CNTNAP2: variants seen among roughly 807,000 people sequenced by gnomAD.
CNTNAP2 encodes contactin-associated protein-like 2.
CNTNAP2 carries 98 observed loss-of-function variants against 155.2 expected under a neutral mutation model. The observed-to-expected ratio is 0.63, with a 90% CI of 0.54 to 0.75. The LOEUF (loss-of-function observed/expected upper bound fraction) is 0.75, where lower values mean the gene tolerates loss of function less well. CNTNAP2 is among the 30% of genes least tolerant of loss of function. CNTNAP2 has a pLI of 0.00. For synonymous variants in CNTNAP2, 651 were observed against 631.2 expected (o/e 1.03, Z -0.47); for missense variants, 1,727 against 1,688.1 (o/e 1.02, Z -0.40).
intron 1 of CNTNAP2, among the ~76,000 whole-genome samples, chr7:146,377,106 G>A (rs1360144820): frequency 6.6e-6 from 1 of 152,136 alleles, no homozygotes; most frequent in Non-Finnish European, 1.5e-5. Context: ...GCAATGTAAT[G>A]AAACTCAGAA....
chr7:146,800,000 C>A (rs1053659471), intron 2 of CNTNAP2, among the ~76,000 whole-genome samples: 4 of 151,838 alleles, frequency 2.6e-5, no homozygotes, highest in Non-Finnish European at 5.9e-5. Flanking sequence ...TATATAATAA[C>A]ATAGTAACAT....
intron 12 of CNTNAP2, among the ~76,000 whole-genome samples, chr7:147,622,944 T>C (rs1056026126): frequency 6.6e-6 from 1 of 152,066 alleles, no homozygotes; most frequent in Non-Finnish European, 1.5e-5. Context: ...TTACAACTGA[T>C]ACCACAGAAA....
intron 3 of CNTNAP2, among the ~76,000 whole-genome samples, chr7:146,854,358 G>A (rs569261465): frequency 1.4e-4 from 22 of 152,326 alleles, no homozygotes; most frequent in African/African-American, 5.3e-4. Flanking sequence ...CAAGCTGTAT[G>A]TTTATGTGTG....
intron 11 of CNTNAP2, among the ~76,000 whole-genome samples, chr7:147,530,186 C>CTTTTTTT (rs35151574): frequency 7.3e-6 from 1 of 136,382 alleles, no homozygotes; most frequent in Non-Finnish European, 1.6e-5. Flanking sequence ...GCAAAAGGCA[C>CTTTTTTT]TTTTTTTTTT....
In CNTNAP2 at chr7:147,944,250, G is replaced by A. The variant is rs1044905749; in HGVS notation, c.2256-33612G>A. Among the ~76,000 whole-genome samples, 14 of 152,034 alleles carry A rather than the reference G, an allele frequency of 9.2e-5. No individual in the cohort carries two copies. In the East Asian group the frequency reaches 9.6e-4, roughly 10 times the overall value. On this transcript the variant is annotated intron_variant, in intron 14 of 23. Coordinates refer to ENST00000361727, the MANE Select transcript of CNTNAP2 (RefSeq NM_014141.6). ...ACAAATATTAATATAAAAGTATTAC[G>A]TGTTTTTCTACTGCCCATATCTGTT...
intron 10 of CNTNAP2, among the ~76,000 whole-genome samples, chr7:147,415,501 CTCA>C: frequency 6.6e-6 from 1 of 152,318 alleles, no homozygotes; most frequent in African/African-American, 2.4e-5. Flanking sequence ...TCTTCTTTCA[CTCA>C]TCACTTCTCC....
chr7:146,965,237 T>C (rs1275079795), intron 3 of CNTNAP2, among the ~76,000 whole-genome samples: 1 of 152,118 alleles, frequency 6.6e-6, no homozygotes, highest in Non-Finnish European at 1.5e-5. Flanking sequence ...GACTGCCCTG[T>C]AGAGAAGAGA....
chr7:146,496,009 G>T (rs2129132208), intron 1 of CNTNAP2, among the ~76,000 whole-genome samples: 1 of 152,262 alleles, frequency 6.6e-6, no homozygotes, highest in African/African-American at 2.4e-5. Context: ...TCTTATATTT[G>T]CTGGGTCTAA....
chr7:146,836,309 C>G (rs1219348371), intron 2 of CNTNAP2, among the ~76,000 whole-genome samples: 1 of 152,054 alleles, frequency 6.6e-6, no homozygotes, highest in Non-Finnish European at 1.5e-5. Flanking sequence ...TGTCCAGCTA[C>G]AAGCTTTTGT....
At chr7:146,304,528 A>C (rs1800672583) in intron 1 of CNTNAP2, among the ~76,000 whole-genome samples, 1 of 152,014 alleles carries the variant, frequency 6.6e-6, no homozygotes, top group Non-Finnish European at 1.5e-5. Context: ...TTCACTCATG[A>C]AGCTTAGTTC....
intron 1 of CNTNAP2, among the ~76,000 whole-genome samples, chr7:146,475,546 G>C (rs568895216): frequency 6.6e-6 from 1 of 152,276 alleles, no homozygotes; most frequent in South Asian, 2.1e-4. Context: ...GAGTGGTTTG[G>C]ACAGGATGGT....
chr7:147,531,366 C>A (rs1799428508), intron 11 of CNTNAP2, among the ~76,000 whole-genome samples: 1 of 152,234 alleles, frequency 6.6e-6, no homozygotes. Context: ...CCCATCCCTG[C>A]AGCAAATTTC....
Position 147,980,768 on chromosome 7 carries a change from C to CAAAA in CNTNAP2, c.2383+2789_2383+2792dup, listed in dbSNP as rs375398761. 5.8e-4 allele frequency among the ~76,000 whole-genome samples: 79 copies of CAAAA among 135,672 alleles called. 1 individual carries two copies. In the Middle Eastern group the frequency reaches 0.015, roughly 25 times the overall value. 89.0% of individuals were successfully genotyped at this position (135,672 alleles called of 152,430 possible). On this transcript the variant is annotated intron_variant, in intron 15 of 23. Transcript: ENST00000361727. ...TGAAACCCCGTCTCTACTAAAAATA[C>CAAAA]AAAAAAAAAAAAATTAGCCGGGCGT...
At chr7:146,395,885 A>G (rs527359977) in intron 1 of CNTNAP2, among the ~76,000 whole-genome samples, 4 of 152,134 alleles carry the variant, frequency 2.6e-5, no homozygotes, top group South Asian at 2.1e-4. Flanking sequence ...AGTTTCACCT[A>G]TAAGCAAAGG....
chr7:147,313,315 T>G (rs1401329631), intron 9 of CNTNAP2, among the ~76,000 whole-genome samples: 1 of 151,028 alleles, frequency 6.6e-6, no homozygotes, highest in Non-Finnish European at 1.5e-5. Context: ...GCTTTTGGTG[T>G]TTTAGACATG....
chr7:146,216,679 C>T (rs1182238813), intron 1 of CNTNAP2, among the ~76,000 whole-genome samples: 2 of 152,190 alleles, frequency 1.3e-5, no homozygotes, highest in Non-Finnish European at 2.9e-5. Context: ...AATCTGTTTT[C>T]CTTTTGCTCA....
chr7:147,090,839 C>T (rs927980371), intron 4 of CNTNAP2, among the ~76,000 whole-genome samples: 1 of 152,040 alleles, frequency 6.6e-6, no homozygotes, highest in African/African-American at 2.4e-5. Flanking sequence ...CCCGTGAAAG[C>T]GTTTCAATGT....
chr7:147,821,244 A>T (rs1013311893), intron 13 of CNTNAP2, among the ~76,000 whole-genome samples: 8 of 152,180 alleles, frequency 5.3e-5, no homozygotes, highest in African/African-American at 1.9e-4. Flanking sequence ...GATATAGGAA[A>T]TGTATTCTTT....
At chr7:147,377,807 T>C (rs909173541) in intron 9 of CNTNAP2, among the ~76,000 whole-genome samples, 1 of 152,014 alleles carries the variant, frequency 6.6e-6, no homozygotes, top group Middle Eastern at 3.4e-3. Context: ...AATTGTTCCT[T>C]AGGGATACTC....
Sources: allele counts gnomAD v4.1 joint callset (sites outside exome capture counted in the v4.1 genomes callset), GRCh38; gene constraint gnomAD v4.1.1; transcripts MANE v1.5; gene names NCBI Gene and HGNC (gene_info 2026-07-23, HGNC 2026-07-21).